FTO: variants seen among roughly 807,000 people sequenced by gnomAD.
FTO encodes the protein alpha-ketoglutarate-dependent dioxygenase FTO.
In FTO, 47 loss-of-function variants were observed where a neutral mutation model predicts 63.9. The observed-to-expected ratio is 0.74, with a 90% CI of 0.58 to 0.94. The LOEUF is 0.94. FTO is among the 40% of genes least tolerant of loss of function. FTO has a pLI of 0.00. For synonymous variants in FTO, 207 were observed against 224.4 expected, an observed-to-expected ratio of 0.92 and a Z score of 0.69; for missense variants, 562 against 618.1, an observed-to-expected ratio of 0.91 and a Z score of 0.96.
rs372576443 is a variant in FTO at position 54,070,055 on chromosome 16, T to C, written c.1365-41707T>C. The C allele has an allele frequency of 1.5e-4, 23 of 152,296 alleles. No homozygotes were observed. In the South Asian group the frequency reaches 4.4e-3, roughly 29 times the overall value. The allele number at this position is 152,296 out of a possible 1,614,324, so 9.4% of individuals were successfully genotyped here. On this transcript the variant is annotated intron_variant, in intron 8 of 8. Transcript: ENST00000471389. ...CAGGTTATCTCATTAAATGAGATAGTGTATAGTAAGCTCTTAACCTAGTGC... is the reference window on the plus strand; with the variant it reads ...CAGGTTATCTCATTAAATGAGATAGCGTATAGTAAGCTCTTAACCTAGTGC...
In FTO at chr16:54,060,237, C is replaced by T. The variant is rs2085537874; in HGVS notation, c.1365-51525C>T. On this transcript the variant is annotated intron_variant, in intron 8 of 8. Transcript: ENST00000471389. Reference sequence around the variant, plus strand: ...CCCAATCGGTGGACTACAAATTTTCCACTTTTAACTCTCCTCTTTTCAAAT... The same window carrying T: ...CCCAATCGGTGGACTACAAATTTTCTACTTTTAACTCTCCTCTTTTCAAAT... Among the ~76,000 whole-genome samples, 3 of 152,172 alleles carry T rather than the reference C, an allele frequency of 2.0e-5. No individual in the cohort carries two copies. The South Asian group carries it at 6.2e-4, about 32-fold the overall frequency.
chr16:53,758,608 G>A (rs570159882), intron 1 of FTO, among the ~76,000 whole-genome samples: 136 of 152,290 alleles, frequency 8.9e-4, no homozygotes, highest in Middle Eastern at 3.4e-3. Flanking sequence ...CTTCTGATCT[G>A]TTTCATATTC....
chr16:53,992,837 T>C (rs1185115823), intron 8 of FTO: 2 of 152,158 alleles, frequency 1.3e-5, no homozygotes, highest in Admixed American at 6.5e-5. Flanking sequence ...ATAAAATGAA[T>C]GGTGTTATAT....
chr16:53,893,753 C>T (rs916445780), intron 7 of FTO, among the ~76,000 whole-genome samples: 10 of 151,370 alleles, frequency 6.6e-5, no homozygotes, highest in African/African-American at 2.4e-4. Flanking sequence ...GTGATGATTT[C>T]GATACTGGAG....
intron 8 of FTO, among the ~76,000 whole-genome samples, chr16:54,000,824 G>T (rs2084048449): frequency 6.6e-6 from 1 of 152,092 alleles, no homozygotes. Context: ...TGGAACCATG[G>T]GGCATACTTT....
intron 8 of FTO, among the ~76,000 whole-genome samples, chr16:53,949,700 A>G (rs986030151): frequency 2.6e-5 from 1 of 38,088 alleles, no homozygotes; most frequent in Admixed American, 3.2e-4. Flanking sequence ...GTTTGTGCAA[A>G]AAAAAAAAAA....
intron 1 of FTO, among the ~76,000 whole-genome samples, chr16:53,790,611 A>T (rs2077889293): frequency 6.7e-6 from 1 of 149,862 alleles, no homozygotes; most frequent in African/African-American, 2.4e-5. Flanking sequence ...GGAGAAACAG[A>T]TTTAAGACAG....
chr16:53,712,872 G>A (rs995429061), intron 1 of FTO, among the ~76,000 whole-genome samples: 4 of 151,956 alleles, frequency 2.6e-5, no homozygotes, highest in Middle Eastern at 6.8e-3. Flanking sequence ...CTGCTAATGA[G>A]ATTTACTGTG....
intron 7 of FTO, among the ~76,000 whole-genome samples, chr16:53,906,176 T>C (rs988810922): frequency 6.6e-6 from 1 of 152,176 alleles, no homozygotes; most frequent in African/African-American, 2.4e-5. Flanking sequence ...CCTAGGACAA[T>C]TTTTAAAATT....
chr16:53,714,930 G>C (rs2075858317), intron 1 of FTO, among the ~76,000 whole-genome samples: 1 of 152,104 alleles, frequency 6.6e-6, no homozygotes, highest in South Asian at 2.1e-4. Flanking sequence ...AATGGACTCA[G>C]CAAATGAAGG....
intron 1 of FTO, among the ~76,000 whole-genome samples, chr16:53,717,938 A>T (rs1226871865): frequency 6.6e-6 from 1 of 152,092 alleles, no homozygotes. Context: ...TGAGGCCCCT[A>T]TAATTAGTCT....
At chr16:54,019,399 G>T (rs1075888) in intron 8 of FTO, among the ~76,000 whole-genome samples, 78,336 of 152,044 alleles carry the variant, frequency 0.52, 22,367 homozygotes, top group African/African-American at 0.76. Context: ...TAGGCATCAT[G>T]ATTTTTTTAT....
At position 53,879,994 on chromosome 16, in the gene FTO, ACTTT is replaced by A. The variant is rs780243426; in HGVS notation, c.1119+12_1119+15del. On this transcript the variant is annotated splice_region_variant and intron_variant, in intron 6 of 8. Coordinates refer to ENST00000471389, the MANE Select transcript of FTO (RefSeq NM_001080432.3). ...AGAAGAAATTCATAATGAGGTAAGG[ACTTT>A]CTTTTTTTTTTTTTGAGATGGAGTC... 1.2e-6 allele frequency: 2 copies of A among 1,602,378 alleles called. No homozygotes were observed. The highest frequency in any genetic ancestry group is 1.7e-4 in the Middle Eastern group (1 of 6,010).
At chr16:53,851,143 T>C (rs923363527) in intron 4 of FTO, among the ~76,000 whole-genome samples, 2 of 152,008 alleles carry the variant, frequency 1.3e-5, no homozygotes, top group Non-Finnish European at 2.9e-5. Context: ...GTATCCTTTT[T>C]CTTTAAAAAT....
rs2081077454 is a variant in FTO, at chr16:53,888,890, CT to C, written c.1179del (p.Asp394ThrfsTer20). 6.2e-7 allele frequency: 1 copy of C among 1,613,874 alleles called. No homozygotes were observed. The highest frequency in any genetic ancestry group is 1.7e-5 in the Admixed American group (1 of 60,004). ...WFQGNRYRKCTDWWCQPMAQL... is the reference protein window; with the variant it reads ...WFQGNRYRKCXDWWCQPMAQL... ...CAAGGCAATCGATACAGAAAGTGCA[CT>C]GACTGGTGGTGTCAACCCATGGCTC... On this transcript the variant is annotated frameshift_variant, in exon 7 of 9. Transcript: ENST00000471389. LOFTEE classifies it high-confidence loss of function.
intron 8 of FTO, among the ~76,000 whole-genome samples, chr16:53,986,786 C>T (rs1400333399): frequency 6.6e-6 from 1 of 152,164 alleles, no homozygotes; most frequent in Admixed American, 6.5e-5. Context: ...TGTCTTTAGG[C>T]TGAGCTGTAG....
chr16:53,906,382 G>A (rs1004774482), intron 7 of FTO, among the ~76,000 whole-genome samples: 1 of 152,200 alleles, frequency 6.6e-6, no homozygotes, highest in African/African-American at 2.4e-5. Context: ...TTGAACGGAC[G>A]AATATATGAA....
At chr16:53,890,844 T>C (rs1016513186) in intron 7 of FTO, among the ~76,000 whole-genome samples, 1 of 152,230 alleles carries the variant, frequency 6.6e-6, no homozygotes, top group African/African-American at 2.4e-5. Flanking sequence ...CCCCCTACTG[T>C]GTAATTCTGA....
intron 1 of FTO, among the ~76,000 whole-genome samples, chr16:53,729,893 TA>T (rs959220122): frequency 3.5e-4 from 53 of 152,344 alleles, no homozygotes; most frequent in African/African-American, 1.3e-3. Flanking sequence ...TTCCCCTCAC[TA>T]TAGCTGTTTG....
Sources: gnomAD v4.1 joint callset for allele counts (sites outside exome capture counted in the v4.1 genomes callset) on GRCh38, gnomAD v4.1.1 for gene constraint, MANE v1.5 for transcripts, NCBI Gene and HGNC (gene_info 2026-07-23, HGNC 2026-07-21) for gene names.